The following ASNSD1 variants were observed in gnomAD, a reference collection of about 807,000 sequenced individuals.
ASNSD1 encodes asparagine synthetase domain containing 1, also known as asparagine synthetase domain-containing protein 1.
In ASNSD1, 36 loss-of-function variants were observed where a neutral mutation model predicts 48.3. That is an observed-to-expected ratio of 0.75 (90% CI 0.57 to 0.99). ASNSD1 has a LOEUF of 0.99. ASNSD1 is among the 50% of genes least tolerant of loss of function. ASNSD1 has a pLI of 0.00. For missense variants in ASNSD1, 714 were observed against 758.2 expected, an observed-to-expected ratio of 0.94 and a Z score of 0.69; for synonymous variants, 257 against 262.1, an observed-to-expected ratio of 0.98 and a Z score of 0.19.
chr2:189,662,782 C>T (rs1170560997), intron 1 of ASNSD1, among the ~76,000 whole-genome samples: 2 of 151,842 alleles, frequency 1.3e-5, no homozygotes, highest in Non-Finnish European at 2.9e-5. Flanking sequence ...TGAGCCCTCC[C>T]CTACAAATAA....
rs765489332 is a variant in ASNSD1, at chr2:189,670,672, G to T, written c.1878G>T (p.Arg626=). 5 of 1,610,476 alleles carry T rather than the reference G, an allele frequency of 3.1e-6. No individual in the cohort carries two copies. The Admixed American group carries it at 8.4e-5, about 27-fold the overall frequency. ...AAAAGGCATCTGATAAATGTGGACG[G>T]CTCCAAATCATGTCCTTAGAAAATC... The part of the protein sequence containing the change: ...INEKASDKCG[R]LQIMSLENLS... The change falls in exon 6 of 6, where the codon CGG becomes CGT. Residue 626 remains arginine (R), a synonymous_variant. Coordinates refer to ENST00000260952, the MANE Select transcript of ASNSD1 (RefSeq NM_019048.4).
At chr2:189,664,293 G>T (rs1022764324) in intron 2 of ASNSD1, among the ~76,000 whole-genome samples, 3 of 152,116 alleles carry the variant, frequency 2.0e-5, no homozygotes, top group Non-Finnish European at 4.4e-5. Context: ...GAGATGAGAA[G>T]AAACTTTTCT....
chr2:189,664,833 A>ATC (rs35763691), intron 2 of ASNSD1, among the ~76,000 whole-genome samples: 96,551 of 151,898 alleles, frequency 0.64, 32,540 homozygotes, highest in South Asian at 0.76. Flanking sequence ...ATTCAAAACT[A>ATC]TAACACTTTG....
At position 189,665,596 on chromosome 2, in the gene ASNSD1, GTGTATATATATATATATATATA is replaced by G. The variant is rs1206942875; in HGVS notation, c.-93+147_-93+168del. On this transcript the variant is annotated intron_variant, in intron 3 of 5. Transcript: ENST00000260952. ...GATGAGTCAACAGTTATATATATAT[GTGTATATATATATATATATATA>G]TATATATATATATATATATATATAT... The G allele has an allele frequency of 8.0e-3, 897 of 111,606 alleles. 58 individuals are homozygous for G. The highest frequency in any genetic ancestry group is 0.027 in the African/African-American group (680 of 25,230). 6.9% of individuals were successfully genotyped at this position (111,606 alleles called of 1,614,324 possible).
intron 2 of ASNSD1, among the ~76,000 whole-genome samples, chr2:189,665,019 A>G (rs993936128): frequency 6.6e-6 from 1 of 152,236 alleles, no homozygotes; most frequent in African/African-American, 2.4e-5. Context: ...TTATATCTAT[A>G]TAGCAGTAGG....
chr2:189,661,927 A>G (rs2032674406), intron 1 of ASNSD1, among the ~76,000 whole-genome samples: 1 of 152,154 alleles, frequency 6.6e-6, no homozygotes, highest in Non-Finnish European at 1.5e-5. Flanking sequence ...TGTTCCATCA[A>G]AGATATTCTC....
rs774450948 is a variant in ASNSD1, at chr2:189,666,181, C to T, written c.49C>T (p.Gln17Ter). 2 of 1,602,996 alleles carry T rather than the reference C, an allele frequency of 1.2e-6. No individual in the cohort carries two copies. The highest frequency in any genetic ancestry group is 1.7e-6 in the Non-Finnish European group (2 of 1,175,874). Residue 17 changes from glutamine to a stop codon, truncating the protein, a stop_gained, in exon 4 of 6, where the codon CAA becomes TAA. Coordinates refer to ENST00000260952, the MANE Select transcript of ASNSD1 (RefSeq NM_019048.4). LOFTEE classifies it high-confidence loss of function. ...AAACTTTTCTGCTGAGCATTTCAGTCAAGATTTAAAAGAGGACTTACTATA... is the reference window on the plus strand; with the variant it reads ...AAACTTTTCTGCTGAGCATTTCAGTTAAGATTTAAAAGAGGACTTACTATA... ...SVNFSAEHFS[Q>*]DLKEDLLYNL...
intron 5 of ASNSD1, among the ~76,000 whole-genome samples, chr2:189,669,211 C>G (rs1452366822): frequency 6.6e-6 from 1 of 152,132 alleles, no homozygotes; most frequent in Non-Finnish European, 1.5e-5. Flanking sequence ...TGTCATTATT[C>G]TGTCATAATT....
rs770936668 is a variant in ASNSD1, at chr2:189,670,488, C to G, written c.1694C>G (p.Pro565Arg). The G allele has an allele frequency of 5.6e-6, 9 of 1,612,348 alleles. No individual in the cohort carries two copies. In the East Asian group the frequency reaches 8.9e-5, roughly 16 times the overall value. Reference protein sequence around the residue: ...ENVVSFLNSLPIWEKANLTLP... With the variant: ...ENVVSFLNSLRIWEKANLTLP... ...GTTGTCTCCTTTCTAAATTCTCTGC[C>G]GATTTGGGAAAAAGCAAACTTGACT... Residue 565 changes from proline to arginine, a missense_variant, in exon 6 of 6, where the codon CCG (proline) becomes CGG (arginine). Transcript: ENST00000260952.
intron 5 of ASNSD1, among the ~76,000 whole-genome samples, chr2:189,668,995 C>T (rs1315799972): frequency 6.6e-6 from 1 of 152,168 alleles, no homozygotes; most frequent in Non-Finnish European, 1.5e-5. Context: ...TACAAGGGTG[C>T]AAGCATCCAA....
At position 189,667,039 on chromosome 2, in the gene ASNSD1, AGGGATGAAAACCT is replaced by A; in HGVS notation, c.909_921del (p.Asp304GlnfsTer6). Reference sequence around the variant, plus strand: ...CAAGAAACGTGTCTTGTGTTTACCTAGGGATGAAAACCTGACAGCAAATGAAGTTTTGAAAACG... The same window carrying A: ...CAAGAAACGTGTCTTGTGTTTACCTAGACAGCAAATGAAGTTTTGAAAACG... On this transcript the variant is annotated frameshift_variant, in exon 4 of 6. Transcript: ENST00000260952. LOFTEE classifies it high-confidence loss of function. 6.2e-7 allele frequency: 1 copy of A among 1,614,136 alleles called. No homozygotes were observed. The highest frequency in any genetic ancestry group is 1.7e-5 in the Admixed American group (1 of 60,018).
chr2:189,665,594 ATG>A (rs200000623), intron 3 of ASNSD1, 143 bp downstream of exon 3: 3,639 of 19,302 alleles, frequency 0.19, 266 homozygotes, highest in South Asian at 0.35. Flanking sequence ...TTATATATAT[ATG>A]TGTATATATA....
Position 189,666,266 on chromosome 2 carries a change from A to G in ASNSD1, c.134A>G (p.Tyr45Cys). The change falls in exon 4 of 6, where the codon TAC becomes TGC. Residue 45 changes from tyrosine to cysteine, a missense_variant. Transcript: ENST00000260952. ...CAATTGTTAAAGTCTGATGTTAACT[A>G]CCAGTGTTTATTTTCTGCTCACGTC... Reference protein sequence around the residue: ...SKQLLKSDVNYQCLFSAHVLH... With the variant: ...SKQLLKSDVNCQCLFSAHVLH... 1 of 1,614,128 alleles carries G rather than the reference A, an allele frequency of 6.2e-7. No homozygotes were observed.
At position 189,665,390 on chromosome 2, in the gene ASNSD1, A is replaced by G. The variant is rs13024656; in HGVS notation, c.-154A>G. On this transcript the variant is annotated 5_prime_UTR_variant, in exon 3 of 6. Coordinates refer to ENST00000260952, the MANE Select transcript of ASNSD1 (RefSeq NM_019048.4). ...ATGTTTTCCAGAAAGTATATAGGCA[A>G]CAACAGAACAGCAATATATTCTTTC... 1 of 397,676 alleles carries G rather than the reference A, an allele frequency of 2.5e-6. No individual in the cohort carries two copies. The highest frequency in any genetic ancestry group is 4.4e-6 in the Non-Finnish European group (1 of 225,428). 24.6% of individuals were successfully genotyped at this position (397,676 alleles called of 1,614,324 possible).
In ASNSD1 at chr2:189,666,683, A is replaced by G; in HGVS notation, c.551A>G (p.Lys184Arg). 1 of 1,613,462 alleles carries G rather than the reference A, an allele frequency of 6.2e-7. No homozygotes were observed. The highest frequency in any genetic ancestry group is 8.5e-7 in the Non-Finnish European group (1 of 1,179,390). ...PASGLFRIDL[K>R]STVISGCIIL... is the part of the protein sequence containing the mutation. ...TCTGGACTTTTCAGAATTGATCTTA[A>G]GTCTACTGTCATTTCCGGATGCATT... Residue 184 changes from lysine (K) to arginine (R), a missense_variant, in exon 4 of 6, where the codon AAG becomes AGG. By Grantham distance (26) the Lys-to-Arg change is conservative. Coordinates refer to ENST00000260952, the MANE Select transcript of ASNSD1 (RefSeq NM_019048.4).
intron 1 of ASNSD1, 75 bp from the exon 2 acceptor site, chr2:189,663,826 A>G: frequency 2.7e-6 from 1 of 363,802 alleles, no homozygotes; most frequent in Non-Finnish European, 4.9e-6. Flanking sequence ...TAATTTTAAA[A>G]CAACCCCTTA....
Position 189,670,464 on chromosome 2 carries a change from T to A in ASNSD1, c.1670T>A (p.Val557Asp), listed in dbSNP as rs2032901057. The change falls in exon 6 of 6, where the codon GTT becomes GAT. Residue 557 changes from valine (V) to aspartate (D), a missense_variant. Transcript: ENST00000260952. ...AGATTTCCTTTCCTGGATGAAAATG[T>A]TGTCTCCTTTCTAAATTCTCTGCCG... ...EARFPFLDENVVSFLNSLPIW... is the reference protein window; with the variant it reads ...EARFPFLDENDVSFLNSLPIW... The A allele has an allele frequency of 1.2e-6, 2 of 1,611,626 alleles. No homozygotes were observed. The highest frequency in any genetic ancestry group is 1.7e-6 in the Non-Finnish European group (2 of 1,178,532).
In ASNSD1 at chr2:189,661,476, C is replaced by T. The variant is rs1471344055; in HGVS notation, c.-357C>T. 2 of 399,072 alleles carry T rather than the reference C, an allele frequency of 5.0e-6. No homozygotes were observed. Among genetic ancestry groups the T allele is most frequent in the Admixed American group, 4.4e-5 (1 of 22,712 alleles). The allele number at this position is 399,072 out of a possible 1,614,324, so 24.7% of individuals were successfully genotyped here. A position where few individuals can be genotyped will look rare whatever the true frequency, so the allele number is the denominator to read the frequency against. ...CATGCGCTGTGGCTAATGCCGTAGG[C>T]TCCTTCAGGGCTGAGCCATCCCGCG... is the stretch of plus-strand genomic sequence containing the variant. On this transcript the variant is annotated 5_prime_UTR_variant, in exon 1 of 6. Transcript: ENST00000260952.
intron 1 of ASNSD1, among the ~76,000 whole-genome samples, chr2:189,662,607 A>G (rs1218111793): frequency 6.6e-6 from 1 of 152,158 alleles, no homozygotes; most frequent in Non-Finnish European, 1.5e-5. Context: ...TCTGATTACC[A>G]CCATAGCAAG....
Sources: gnomAD v4.1 joint callset for allele counts (sites outside exome capture counted in the v4.1 genomes callset) on GRCh38, gnomAD v4.1.1 for gene constraint, MANE v1.5 for transcripts, NCBI Gene and HGNC (gene_info 2026-07-23, HGNC 2026-07-21) for gene names.